Variants in ADGRL3 observed in about 807,000 individuals in gnomAD.
The protein encoded by ADGRL3 is adhesion G protein-coupled receptor L3.
ADGRL3 carries 62 observed loss-of-function variants against 153.5 expected under a neutral mutation model. The observed-to-expected ratio is 0.40, with a 90% CI of 0.33 to 0.50. ADGRL3 has a LOEUF of 0.50. ADGRL3 is among the 20% of genes least tolerant of loss of function. The pLI, the probability that ADGRL3 is intolerant of heterozygous loss-of-function variation, is 0.47. For synonymous variants in ADGRL3, 710 were observed against 672.5 expected, an observed-to-expected ratio of 1.06 and a Z score of -0.86; for missense variants, 1,641 against 1,859.4, an observed-to-expected ratio of 0.88 and a Z score of 2.16.
At chr4:61,226,211 A>C (rs1179665743) in intron 1 of ADGRL3, among the ~76,000 whole-genome samples, 2 of 152,118 alleles carry the variant, frequency 1.3e-5, no homozygotes, top group Non-Finnish European at 2.9e-5. Flanking sequence ...AGACATTAGC[A>C]CAGTCCTTTC....
chr4:61,995,003 C>T (rs928074620), intron 19 of ADGRL3, among the ~76,000 whole-genome samples: 7 of 151,630 alleles, frequency 4.6e-5, no homozygotes, highest in African/African-American at 1.7e-4. Context: ...GCCTCAACCG[C>T]CTGGGTTTAG....
In ADGRL3 at chr4:61,874,787, CTCTTTT is replaced by C. The variant is rs1402474594; in HGVS notation, c.1481-17867_1481-17862del. 1.4e-4 allele frequency among the ~76,000 whole-genome samples: 12 copies of C among 88,590 alleles called. 1 individual carries two copies. Among genetic ancestry groups the C allele is most frequent in the African/African-American group, 2.4e-4 (6 of 24,548 alleles). 58.1% of individuals were successfully genotyped at this position (88,590 alleles called of 152,430 possible). On this transcript the variant is annotated intron_variant, in intron 9 of 26. Transcript: ENST00000683033. Reference sequence around the variant, plus strand: ...AAATATTTTCAACGACATCAAAATGCTCTTTTTTTTTTTTTTTTTTTTTTTTTTTTT... The same window carrying C: ...AAATATTTTCAACGACATCAAAATGCTTTTTTTTTTTTTTTTTTTTTTTTT...
At chr4:61,468,982 G>A (rs959864083) in intron 2 of ADGRL3, among the ~76,000 whole-genome samples, 4 of 152,002 alleles carry the variant, frequency 2.6e-5, no homozygotes, top group Admixed American at 6.6e-5. Context: ...ACCTTGAGCC[G>A]GACTCAGAGC....
intron 2 of ADGRL3, among the ~76,000 whole-genome samples, chr4:61,476,745 A>C (rs1309773098): frequency 2.0e-5 from 3 of 149,538 alleles, no homozygotes; most frequent in Non-Finnish European, 4.4e-5. Flanking sequence ...AAAACAAAAA[A>C]ACATAGAAGA....
At chr4:61,613,734 A>T (rs1393225986) in intron 5 of ADGRL3, among the ~76,000 whole-genome samples, 2 of 152,226 alleles carry the variant, frequency 1.3e-5, no homozygotes, top group Non-Finnish European at 2.9e-5. Flanking sequence ...ACAGAGCTAG[A>T]TTCCAAGTGA....
chr4:61,577,763 T>G (rs1300878914), intron 4 of ADGRL3, among the ~76,000 whole-genome samples: 1 of 151,206 alleles, frequency 6.6e-6, no homozygotes, highest in Non-Finnish European at 1.5e-5. Context: ...TAGTGACATA[T>G]GATCATGCCA....
At chr4:61,860,642 A>G (rs1258108819) in intron 9 of ADGRL3, among the ~76,000 whole-genome samples, 1 of 152,066 alleles carries the variant, frequency 6.6e-6, no homozygotes, top group Non-Finnish European at 1.5e-5. Flanking sequence ...GTCCTTCCCC[A>G]GAGTGTCATG....
chr4:61,655,149 G>C (rs2094406162), intron 5 of ADGRL3, among the ~76,000 whole-genome samples: 1 of 151,718 alleles, frequency 6.6e-6, no homozygotes, highest in Non-Finnish European at 1.5e-5. Context: ...CTTGCCTTTA[G>C]GGTTCATACA....
chr4:61,474,461 AT>A (rs1169896039), intron 2 of ADGRL3, among the ~76,000 whole-genome samples: 1 of 152,130 alleles, frequency 6.6e-6, no homozygotes, highest in Non-Finnish European at 1.5e-5. Context: ...GAGGTAATTT[AT>A]TTATTCACAG....
chr4:61,879,867 G>T (rs2098499177), intron 9 of ADGRL3, among the ~76,000 whole-genome samples: 1 of 152,004 alleles, frequency 6.6e-6, no homozygotes, highest in Non-Finnish European at 1.5e-5. Flanking sequence ...CTACAGACAT[G>T]CACCACCATG....
At chr4:61,912,264 G>A (rs1408389603) in intron 12 of ADGRL3, among the ~76,000 whole-genome samples, 2 of 152,180 alleles carry the variant, frequency 1.3e-5, no homozygotes, top group African/African-American at 4.8e-5. Context: ...CATATGATTT[G>A]TGGTGTACAT....
At chr4:61,298,993 A>G (rs2094497922) in intron 1 of ADGRL3, among the ~76,000 whole-genome samples, 1 of 152,196 alleles carries the variant, frequency 6.6e-6, no homozygotes, top group South Asian at 2.1e-4. Context: ...CCTTTAATGC[A>G]TGCAAGATTC....
At chr4:61,390,887 T>C (rs2096794419) in intron 2 of ADGRL3, among the ~76,000 whole-genome samples, 1 of 152,172 alleles carries the variant, frequency 6.6e-6, no homozygotes, top group African/African-American at 2.4e-5. Flanking sequence ...CTATGTATCG[T>C]ACAATGTGTA....
chr4:61,340,684 C>T (rs968313216), intron 1 of ADGRL3, among the ~76,000 whole-genome samples: 3 of 152,004 alleles, frequency 2.0e-5, no homozygotes, highest in African/African-American at 7.2e-5. Context: ...GATTTATGCA[C>T]AGACTTTTCC....
chr4:61,808,068 C>T (rs1293521829), intron 8 of ADGRL3, among the ~76,000 whole-genome samples: 1 of 152,114 alleles, frequency 6.6e-6, no homozygotes, highest in Non-Finnish European at 1.5e-5. Flanking sequence ...ATGCTCTTCC[C>T]TCAGATCTCA....
At chr4:61,698,481 A>C (rs1561082666) in intron 6 of ADGRL3, among the ~76,000 whole-genome samples, 2 of 151,964 alleles carry the variant, frequency 1.3e-5, no homozygotes, top group East Asian at 1.9e-4. Context: ...ACAACAACAA[A>C]AACAAATACA....
intron 9 of ADGRL3, among the ~76,000 whole-genome samples, chr4:61,825,908 G>T (rs775809838): frequency 3.9e-5 from 6 of 152,172 alleles, no homozygotes; most frequent in Non-Finnish European, 5.9e-5. Context: ...GACACAGACA[G>T]CATTGAAGGA....
intron 9 of ADGRL3, among the ~76,000 whole-genome samples, chr4:61,821,384 CAG>C (rs1561305937): frequency 6.6e-6 from 1 of 151,274 alleles, no homozygotes; most frequent in Non-Finnish European, 1.5e-5. Context: ...TTTTTTGAGA[CAG>C]AGTTTTGCTC....
At chr4:61,307,901 A>G (rs1578206619) in intron 1 of ADGRL3, among the ~76,000 whole-genome samples, 1 of 152,164 alleles carries the variant, frequency 6.6e-6, no homozygotes, top group Non-Finnish European at 1.5e-5. Flanking sequence ...AACTAATTGG[A>G]AAATTAAGAT....
Sources: allele counts gnomAD v4.1 joint callset (sites outside exome capture counted in the v4.1 genomes callset), GRCh38; gene constraint gnomAD v4.1.1; transcripts MANE v1.5; gene names NCBI Gene and HGNC (gene_info 2026-07-23, HGNC 2026-07-21).